ABCA6: variants seen among roughly 807,000 people sequenced by gnomAD.
The protein encoded by ABCA6 is ATP-binding cassette sub-family A member 6.
In ABCA6, 164 loss-of-function variants were observed where a neutral mutation model predicts 191.2. The observed-to-expected ratio is 0.86, with a 90% confidence interval of 0.76 to 0.98. The LOEUF is 0.98. Ranked by LOEUF, ABCA6 falls within the 50% of genes least tolerant of loss-of-function variation. The pLI, the probability that ABCA6 is intolerant of heterozygous loss-of-function variation, is 0.00. For synonymous variants in ABCA6, 636 were observed against 647.7 expected (o/e 0.98, Z 0.27); for missense variants, 1,958 against 1,894.1 (o/e 1.03, Z -0.63).
intron 10 of ABCA6, among the ~76,000 whole-genome samples, chr17:69,118,467 G>C (rs968058796): frequency 2.6e-5 from 4 of 151,950 alleles, no homozygotes; most frequent in African/African-American, 9.7e-5. Flanking sequence ...AAATAAACTT[G>C]CCATTGTAAA....
rs746384735 is a variant in ABCA6, at chr17:69,133,819, T to C, written c.613A>G (p.Ile205Val). Residue 205 changes from isoleucine (I) to valine (V), a missense_variant, in exon 6 of 39, where the codon ATA (isoleucine) becomes GTA (valine). Transcript: ENST00000284425. ...VMEELMSVTA[I>V]TMKTLPFITK... Reference sequence around the variant, plus strand: ...ATGAAAGGTAATGTCTTCATAGTTATAGCAGTAACTGACATCAACTCCTCC... The same window carrying C: ...ATGAAAGGTAATGTCTTCATAGTTACAGCAGTAACTGACATCAACTCCTCC... The C allele has an allele frequency of 8.7e-6, 14 of 1,611,750 alleles. No homozygotes were observed. The highest frequency in any genetic ancestry group is 7.7e-5 in the South Asian group (7 of 90,542).
At chr17:69,107,858 G>T in intron 17 of ABCA6, 46 bp from the exon 18 acceptor site, 1 of 1,068,716 alleles carries the variant, frequency 9.4e-7, no homozygotes, top group Non-Finnish European at 1.4e-6. Flanking sequence ...ACCACATTGA[G>T]AACTAAACCA....
chr17:69,134,647 T>A lies in ABCA6; in HGVS notation c.556A>T (p.Ile186Phe), dbSNP rs766310936. ...TTCAATCAAGCACTTACTTCTATAATGGCAGTATTAATAGCTGTTTGTAAA... is the reference window on the plus strand; with the variant it reads ...TTCAATCAAGCACTTACTTCTATAAAGGCAGTATTAATAGCTGTTTGTAAA... ...VALQTAINTAIIEITTNHPVM... is the reference protein window; with the variant it reads ...VALQTAINTAFIEITTNHPVM... Residue 186 changes from isoleucine to phenylalanine, a missense_variant, in exon 5 of 39, where the codon ATT becomes TTT. Physicochemically the swap from Ile to Phe is conservative, Grantham distance 21. Coordinates refer to ENST00000284425, the MANE Select transcript of ABCA6 (RefSeq NM_080284.3). The A allele has an allele frequency of 1.9e-6, 3 of 1,610,634 alleles. 1 individual carries two copies. In the South Asian group the frequency reaches 3.3e-5, roughly 18 times the overall value.
chr17:69,115,578 A>T, intron 11 of ABCA6, 92 bp from the exon 12 acceptor site: 1 of 768,830 alleles, frequency 1.3e-6, no homozygotes, highest in South Asian at 2.4e-5. Flanking sequence ...AAGGCTATTT[A>T]GTTTAGTGGC....
chr17:69,089,508 G>T lies in ABCA6; in HGVS notation c.3563C>A (p.Ala1188Glu), dbSNP rs750167149. 1 of 1,613,570 alleles carries T rather than the reference G, an allele frequency of 6.2e-7. No homozygotes were observed. The highest frequency in any genetic ancestry group is 8.5e-7 in the Non-Finnish European group (1 of 1,179,866). ...ATCAGTGGCACTCAATTCAAAATTT[G>T]CCTCTGGAAATTCTCTGTAGTGCTC... ...DQEHYREFPE[A>E]NFELSATDFL... Residue 1188 changes from alanine (A) to glutamate (E), a missense_variant, in exon 27 of 39, where the codon GCA becomes GAA. Physicochemically the swap from Ala to Glu is moderately radical, Grantham distance 107. Transcript: ENST00000284425.
At chr17:69,091,343 C>T in intron 25 of ABCA6, 81 bp from the exon 26 acceptor site, 7 of 1,466,082 alleles carry the variant, frequency 4.8e-6, no homozygotes, top group Non-Finnish European at 5.6e-6. Context: ...TGCAGGTGTT[C>T]TCATGATGTA....
At chr17:69,108,797 C>A (rs1328594170) in intron 17 of ABCA6, 3 of 152,174 alleles carry the variant, frequency 2.0e-5, no homozygotes, top group African/African-American at 7.2e-5. Context: ...ACCTGGGAGT[C>A]CCATGTCCGG....
chr17:69,134,526 G>A, intron 5 of ABCA6, 113 bp downstream of exon 5: 1 of 728,782 alleles, frequency 1.4e-6, no homozygotes, highest in Non-Finnish European at 2.3e-6. Flanking sequence ...CCAATCTCAA[G>A]TATTTTGTTG....
chr17:69,138,567 A>G (rs1185406452), intron 2 of ABCA6, among the ~76,000 whole-genome samples: 1 of 151,802 alleles, frequency 6.6e-6, no homozygotes, highest in Non-Finnish European at 1.5e-5. Context: ...GCTACCAATG[A>G]CTTTCTTCAC....
chr17:69,088,736 C>T (rs1478327714), intron 27 of ABCA6, among the ~76,000 whole-genome samples: 1 of 152,178 alleles, frequency 6.6e-6, no homozygotes, highest in Non-Finnish European at 1.5e-5. Context: ...AGAGTCAAAG[C>T]CTTTAGAGTA....
At position 69,088,228 on chromosome 17, in the gene ABCA6, C is replaced by T; in HGVS notation, c.3637G>A (p.Val1213Ile). 1 of 1,611,504 alleles carries T rather than the reference C, an allele frequency of 6.2e-7. No individual in the cohort carries two copies. Among genetic ancestry groups the T allele is most frequent in the South Asian group, 1.1e-5 (1 of 90,602 alleles). The part of the protein sequence containing the change: ...PYFQTLLFVF[V>I]LRCMELKCGK... ...CATTTTAGTTCCATGCATCTTAGAA[C>T]AAAAACGAATAGCAAAGTCTGAAAG... Residue 1213 changes from valine (V) to isoleucine (I), a missense_variant, in exon 28 of 39, where the codon GTT becomes ATT. Coordinates refer to ENST00000284425, the MANE Select transcript of ABCA6 (RefSeq NM_080284.3).
Position 69,124,928 on chromosome 17 carries a change from G to T in ABCA6, c.1227C>A (p.Ile409=). 1 of 1,577,724 alleles carries T rather than the reference G, an allele frequency of 6.3e-7. No individual in the cohort carries two copies. The highest frequency in any genetic ancestry group is 1.2e-5 in the South Asian group (1 of 84,624). ...TFSMLLLDGL[I]YLLLALYFDK... is the part of the protein sequence containing the mutation. The stretch of plus-strand genomic sequence containing the variant: ...CAAAGTATAATGCCAATAGCAAGTA[G>T]ATGAGACCATCCAAAAGCAACATAG... Residue 409 remains isoleucine (I), a synonymous_variant, in exon 9 of 39, where the codon ATC becomes ATA. Transcript: ENST00000284425.
chr17:69,138,206 G>C (rs1439657418), intron 2 of ABCA6, among the ~76,000 whole-genome samples: 1 of 152,150 alleles, frequency 6.6e-6, no homozygotes, highest in African/African-American at 2.4e-5. Context: ...CAGAGGTCCT[G>C]GATGAAGCCT....
rs1200653969 is a variant in ABCA6 at position 69,110,905 on chromosome 17, A to G, written c.2168T>C (p.Ile723Thr). ...GATGTGATGAGTAATGAAGGATGTT[A>G]TTTGTTCTGGGTTACATATTTCATT... ...HRNEICNPEQ[I>T]TSFITHHIPD... Residue 723 changes from isoleucine (I) to threonine (T), a missense_variant, in exon 17 of 39, where the codon ATA becomes ACA. Transcript: ENST00000284425. 1.2e-6 allele frequency: 2 copies of G among 1,610,608 alleles called. No homozygotes were observed. Among genetic ancestry groups the G allele is most frequent in the Non-Finnish European group, 1.7e-6 (2 of 1,178,382 alleles).
At chr17:69,090,075 C>A (rs1359278515) in intron 26 of ABCA6, among the ~76,000 whole-genome samples, 1 of 152,140 alleles carries the variant, frequency 6.6e-6, no homozygotes, top group Admixed American at 6.6e-5. Context: ...CATGACAGAT[C>A]AAGATGAATG....
intron 17 of ABCA6, 125 bp from the exon 18 acceptor site, chr17:69,107,937 CA>C (rs1052099671): frequency 1.4e-5 from 9 of 654,074 alleles, no homozygotes; most frequent in African/African-American, 1.1e-4. Flanking sequence ...TGGAGTATCA[CA>C]GTAGTCAAAA....
rs767738114 is a variant in ABCA6, at chr17:69,105,448, AT to A, written c.2740+13del. On this transcript the variant is annotated intron_variant, in intron 20 of 38. Coordinates refer to ENST00000284425, the MANE Select transcript of ABCA6 (RefSeq NM_080284.3). ...TAACTTATTTCTGGATTTAAATTTT[AT>A]TTTTCTTTTCACCTGTGTTATTGAT... 1 of 1,593,412 alleles carries A rather than the reference AT, an allele frequency of 6.3e-7. No individual in the cohort carries two copies. The highest frequency in any genetic ancestry group is 8.5e-7 in the Non-Finnish European group (1 of 1,173,470).
rs372727531 is a variant in ABCA6, at chr17:69,140,689, C to T, written c.15G>A (p.Gln5=). Residue 5 remains glutamine, a synonymous_variant, in exon 2 of 39, where the codon CAG becomes CAA. Coordinates refer to ENST00000284425, the MANE Select transcript of ABCA6 (RefSeq NM_080284.3). ...CTTTGGTTTGCTGATACACGCTTTT[C>T]TGTTTCATATTCATTTAGCCTATTC... MNMK[Q]KSVYQQTKAL... is the part of the protein sequence containing the mutation. 6 of 1,595,110 alleles carry T rather than the reference C, an allele frequency of 3.8e-6. No individual in the cohort carries two copies. The highest frequency in any genetic ancestry group is 2.3e-5 in the East Asian group (1 of 43,726).
Position 69,085,043 on chromosome 17 carries a change from C to G in ABCA6, c.4169G>C (p.Arg1390Thr). 1 of 1,610,154 alleles carries G rather than the reference C, an allele frequency of 6.2e-7. No individual in the cohort carries two copies. Among genetic ancestry groups the G allele is most frequent in the Non-Finnish European group, 8.5e-7 (1 of 1,179,056 alleles). The change falls in exon 32 of 39, where the codon AGG (arginine) becomes ACG (threonine). Residue 1390 changes from arginine to threonine, a missense_variant. Coordinates refer to ENST00000284425, the MANE Select transcript of ABCA6 (RefSeq NM_080284.3). ...CCGTCTGTACCTTGCGATGGCGAGC[C>G]TCGCGTCCGCTTTCCTGAGCCCCTT... is the stretch of plus-strand genomic sequence containing the variant. Reference protein sequence around the residue: ...AVKGLRKADARLAIARLVSAF... With the variant: ...AVKGLRKADATLAIARLVSAF...
Sources: gnomAD v4.1 joint callset for allele counts (sites outside exome capture counted in the v4.1 genomes callset) on GRCh38, gnomAD v4.1.1 for gene constraint, MANE v1.5 for transcripts, NCBI Gene and HGNC (gene_info 2026-07-23, HGNC 2026-07-21) for gene names.